The following SSTR3 variants were observed in gnomAD, a reference collection of about 807,000 sequenced individuals.
The protein encoded by SSTR3 is somatostatin receptor 3.
For missense variants in SSTR3, 504 were observed against 604.7 expected, an observed-to-expected ratio of 0.83 and a Z score of 1.75; for synonymous variants, 281 against 269.2, an observed-to-expected ratio of 1.04 and a Z score of -0.43.
At chr22:37,212,586 C>G (rs550679524), upstream of SSTR3, among the ~76,000 whole-genome samples, 1 of 151,970 alleles carries the variant, frequency 6.6e-6, no homozygotes, top group Non-Finnish European at 1.5e-5. Context: ...ACCCTGTTAC[C>G]GGGGAGATTT....
At position 37,206,656 on chromosome 22, in the gene SSTR3, C is replaced by T; in HGVS notation, c.1148G>A (p.Ser383Asn). The T allele has an allele frequency of 6.2e-7, 1 of 1,610,728 alleles. No individual in the cohort carries two copies. ...TCTGCTGGGCGGCCGCTCCTGCCCG[C>T]TGGTGCCAGGCTGCGTGATCTGGCT... Reference protein sequence around the residue: ...RVSQITQPGTSGQERPPSRVA... With the variant: ...RVSQITQPGTNGQERPPSRVA... The change falls in exon 2 of 2, where the codon AGC (serine) becomes AAC (asparagine). Residue 383 changes from serine to asparagine, a missense_variant. Ser to Asn is a conservative substitution (Grantham distance 46). Transcript: ENST00000610913.
chr22:37,216,793 TTTTTG>T (rs1555907066), upstream of SSTR3, among the ~76,000 whole-genome samples: 15 of 151,484 alleles, frequency 9.9e-5, no homozygotes, highest in South Asian at 2.1e-4. Context: ...CCTTGGGGTT[TTTTTG>T]TTTTGTTTTG....
chr22:37,220,104 T>G, the SSTR3 span, among the ~76,000 whole-genome samples: 1 of 152,164 alleles, frequency 6.6e-6, no homozygotes, highest in Non-Finnish European at 1.5e-5. Context: ...TAAATACACC[T>G]ATTTAATAAA....
intron 1 of SSTR3, among the ~76,000 whole-genome samples, chr22:37,208,070 G>A (rs1569080368): frequency 6.6e-6 from 1 of 152,208 alleles, no homozygotes; most frequent in African/African-American, 2.4e-5. Context: ...GCTCAGGGAG[G>A]TGAGGTGATC....
chr22:37,211,561 C>A (rs964892964), intron 1 of SSTR3, among the ~76,000 whole-genome samples: 1 of 152,158 alleles, frequency 6.6e-6, no homozygotes, highest in Non-Finnish European at 1.5e-5. Context: ...GGGAAGCCAA[C>A]GACATGATAC....
At chr22:37,210,413 C>G (rs1926120843) in intron 1 of SSTR3, 1 of 681,400 alleles carries the variant, frequency 1.5e-6, no homozygotes, top group African/African-American at 2.0e-5. Flanking sequence ...AGTCGCCCCT[C>G]CCAGAACCCC....
In SSTR3 at chr22:37,207,287, C is replaced by T. The variant is rs35848389; in HGVS notation, c.517G>A (p.Val173Met). 2.0e-3 allele frequency: 3,143 copies of T among 1,592,780 alleles called. 3 individuals are homozygous for T. The highest frequency in any genetic ancestry group is 2.5e-3 in the Non-Finnish European group (2,871 of 1,168,436). The change falls in exon 2 of 2, where the codon GTG (valine) becomes ATG (methionine). Residue 173 changes from valine to methionine, a missense_variant. By Grantham distance (21) the Val-to-Met change is conservative (BLOSUM62 1). Transcript: ENST00000610913. The stretch of plus-strand genomic sequence containing the variant: ...AAGACCACCACGGGCAGCACCACCA[C>T]GGCTGAGGCCACCCACACAGCCGCG... Reference protein sequence around the residue: ...VSAAVWVASAVVVLPVVVFSG... With the variant: ...VSAAVWVASAMVVLPVVVFSG...
At chr22:37,211,756 A>T in intron 1 of SSTR3, 69 bp downstream of exon 1, 1 of 985,400 alleles carries the variant, frequency 1.0e-6, no homozygotes, top group African/African-American at 1.7e-5. Context: ...TCCCAAGTTC[A>T]TCCTGGGCAG....
chr22:37,219,915 G>A, the SSTR3 span, among the ~76,000 whole-genome samples: 1 of 152,100 alleles, frequency 6.6e-6, no homozygotes, highest in South Asian at 2.1e-4. Context: ...CGCTGGCATG[G>A]TTCAGTCTCT....
Position 37,207,298 on chromosome 22 carries a change from A to G in SSTR3, c.506T>C (p.Val169Ala). ...VARTVSAAVWVASAVVVLPVV... is the reference protein window; with the variant it reads ...VARTVSAAVWAASAVVVLPVV... ...GGGCAGCACCACCACGGCTGAGGCC[A>G]CCCACACAGCCGCGCTGACCGTGCG... is the stretch of plus-strand genomic sequence containing the variant. The change falls in exon 2 of 2, where the codon GTG becomes GCG. Residue 169 changes from valine to alanine, a missense_variant. Coordinates refer to ENST00000610913, the MANE Select transcript of SSTR3 (RefSeq NM_001051.5). The G allele has an allele frequency of 6.3e-7, 1 of 1,592,458 alleles. No individual in the cohort carries two copies. The highest frequency in any genetic ancestry group is 8.6e-7 in the Non-Finnish European group (1 of 1,168,348).
the SSTR3 span, among the ~76,000 whole-genome samples, chr22:37,219,851 C>T: frequency 6.6e-6 from 1 of 152,170 alleles, no homozygotes; most frequent in African/African-American, 2.4e-5. Context: ...CAGGTCAGCT[C>T]TTGTACATGG....
At chr22:37,208,027 T>C (rs1925959010) in intron 1 of SSTR3, among the ~76,000 whole-genome samples, 188 bp from the exon 2 acceptor site, 1 of 152,134 alleles carries the variant, frequency 6.6e-6, no homozygotes, top group African/African-American at 2.4e-5. Context: ...GGCTGAGTCG[T>C]GTTATCCCCT....
chr22:37,219,720 A>C, the SSTR3 span, among the ~76,000 whole-genome samples: 4 of 152,240 alleles, frequency 2.6e-5, no homozygotes, highest in Non-Finnish European at 5.9e-5. Context: ...GTAGTGGCTT[A>C]CAATAGCCAT....
rs1926208022 is a variant in SSTR3 at position 37,211,825 on chromosome 22, C to T, written c.-37G>A. 6.1e-6 allele frequency: 6 copies of T among 985,590 alleles called. No homozygotes were observed. The highest frequency in any genetic ancestry group is 6.0e-6 in the Non-Finnish European group (5 of 830,126). The allele number at this position is 985,590 out of a possible 1,614,324, so 61.1% of individuals were successfully genotyped here. ...ATCATCCGGGCCCCAGCCTCCTTAC[C>T]TGCCCATGGGGTGAGGGCTTCCCTC... On this transcript the variant is annotated splice_region_variant and 5_prime_UTR_variant, in exon 1 of 2. Transcript: ENST00000610913.
Position 37,206,741 on chromosome 22 carries a change from C to T in SSTR3, c.1063G>A (p.Glu355Lys), listed in dbSNP as rs143269835. ...TCCCTGCTCTCCTCCCCATCCTCCT[C>T]CTCCTCATCCTCCTCCTCAGTCTTC... ...PEKTEEEDEE[E>K]EDGEESREGG... Residue 355 changes from glutamate (E) to lysine (K), a missense_variant, in exon 2 of 2, where the codon GAG becomes AAG. Transcript: ENST00000610913. 1,045 of 1,609,244 alleles carry T rather than the reference C, an allele frequency of 6.5e-4. No individual in the cohort carries two copies. The highest frequency in any genetic ancestry group is 8.4e-4 in the Non-Finnish European group (988 of 1,179,800).
chr22:37,206,601 G>A lies in SSTR3; in HGVS notation c.1203C>T (p.Pro401=), dbSNP rs749165187. The A allele has an allele frequency of 1.9e-6, 3 of 1,612,362 alleles. No homozygotes were observed. The highest frequency in any genetic ancestry group is 3.3e-5 in the Admixed American group (2 of 60,018). Residue 401 remains proline, a synonymous_variant, in exon 2 of 2, where the codon CCC becomes CCT. Transcript: ENST00000610913. ...RVASKEQQLL[P]QEASTGEKSS... Reference sequence around the variant, plus strand: ...ACTTCTCCCCAGTGGAAGCCTCTTGGGGTAGGAGCTGCTGCTCCTTGCTGG... The same window carrying A: ...ACTTCTCCCCAGTGGAAGCCTCTTGAGGTAGGAGCTGCTGCTCCTTGCTGG...
At chr22:37,217,730 C>G in the SSTR3 span, among the ~76,000 whole-genome samples, 1 of 151,958 alleles carries the variant, frequency 6.6e-6, no homozygotes, top group Non-Finnish European at 1.5e-5. Context: ...CAGTCTCGCT[C>G]TCTCACTCTG....
chr22:37,220,040 G>A, the SSTR3 span, among the ~76,000 whole-genome samples: 1 of 152,172 alleles, frequency 6.6e-6, no homozygotes, highest in African/African-American at 2.4e-5. Context: ...AACAAAACAC[G>A]CAGGTCCTTC....
In SSTR3 at chr22:37,207,772, G is replaced by A. The variant is rs759139510; in HGVS notation, c.32C>T (p.Thr11Met). The A allele has an allele frequency of 1.5e-5, 23 of 1,513,934 alleles. No individual in the cohort carries two copies. In the Admixed American group the frequency reaches 2.2e-4, roughly 15 times the overall value. The allele number at this position is 1,513,934 out of a possible 1,614,324, so 93.8% of individuals were successfully genotyped here. The change falls in exon 2 of 2, where the codon ACG (threonine) becomes ATG (methionine). Residue 11 changes from threonine to methionine, a missense_variant. Transcript: ENST00000610913. ...GGAGGCATTCTCAGGTTCTGAGGTC[G>A]TGGACACCGATGATGGATGAAGCAT... MDMLHPSSVS[T>M]TSEPENASSA...
Sources: allele counts gnomAD v4.1 joint callset (sites outside exome capture counted in the v4.1 genomes callset), GRCh38; gene constraint gnomAD v4.1.1; transcripts MANE v1.5; gene names NCBI Gene and HGNC (gene_info 2026-07-23, HGNC 2026-07-21).